Variants in GTF2F2 observed in about 807,000 individuals in gnomAD.
GTF2F2 encodes the protein ATP-dependent helicase GTF2F2.
In GTF2F2, 23 loss-of-function variants were observed where a neutral mutation model predicts 42.2. The ratio of observed to expected loss-of-function variants is 0.55; its 90% CI spans 0.39 to 0.77. GTF2F2 has a LOEUF of 0.77. Ranked by LOEUF, GTF2F2 falls within the 30% of genes least tolerant of loss-of-function variation. GTF2F2 has a pLI of 0.00. For missense variants in GTF2F2, 261 were observed against 287.2 expected (o/e 0.91, Z 0.66); for synonymous variants, 105 against 100.8 (o/e 1.04, Z -0.25).
intron 5 of GTF2F2, among the ~76,000 whole-genome samples, chr13:45,213,372 C>T (rs1873772779): frequency 6.6e-6 from 1 of 152,164 alleles, no homozygotes; most frequent in Non-Finnish European, 1.5e-5. Flanking sequence ...AGCCACGAGG[C>T]CCCAGCTTCT....
chr13:45,214,631 A>G (rs1400168591), intron 5 of GTF2F2, among the ~76,000 whole-genome samples: 1 of 152,146 alleles, frequency 6.6e-6, no homozygotes, highest in Non-Finnish European at 1.5e-5. Flanking sequence ...TTAGGAGAAA[A>G]ATTACTTTGA....
chr13:45,243,451 G>A (rs1439578697), intron 5 of GTF2F2, among the ~76,000 whole-genome samples: 1 of 152,154 alleles, frequency 6.6e-6, no homozygotes, highest in Non-Finnish European at 1.5e-5. Flanking sequence ...GATGATCTGG[G>A]ATGGAACAGT....
At chr13:45,140,338 T>G (rs1002603140) in intron 2 of GTF2F2, among the ~76,000 whole-genome samples, 2 of 152,218 alleles carry the variant, frequency 1.3e-5, no homozygotes, top group Non-Finnish European at 2.9e-5. Context: ...AATATCTCGT[T>G]TTCTCAAGGA....
chr13:45,220,937 ATGTGTGTGTGTGTGTGTGTGTGTGTG>A (rs145850282), intron 5 of GTF2F2: 1 of 144,320 alleles, frequency 6.9e-6, no homozygotes. Flanking sequence ...CTTAAAATGT[ATGTGTGTGTGTGTGTGTGTGTGTGTG>A]TGTGTCTGTG....
At chr13:45,174,178 C>T (rs1000722807) in intron 4 of GTF2F2, among the ~76,000 whole-genome samples, 2 of 152,086 alleles carry the variant, frequency 1.3e-5, no homozygotes, top group African/African-American at 4.8e-5. Context: ...GTGTATAGAT[C>T]TTTGTGTGAG....
chr13:45,238,040 G>T (rs1444195236), intron 5 of GTF2F2, among the ~76,000 whole-genome samples: 1 of 152,166 alleles, frequency 6.6e-6, no homozygotes, highest in Non-Finnish European at 1.5e-5. Context: ...CGCAACCTCT[G>T]CTTCCCAGGT....
At chr13:45,152,160 C>G (rs1314825499) in intron 4 of GTF2F2, among the ~76,000 whole-genome samples, 5 of 152,118 alleles carry the variant, frequency 3.3e-5, no homozygotes, top group African/African-American at 1.2e-4. Context: ...GGTGATCTGC[C>G]CACCTTGGCC....
At chr13:45,160,963 T>C (rs983086200) in intron 4 of GTF2F2, among the ~76,000 whole-genome samples, 5 of 152,204 alleles carry the variant, frequency 3.3e-5, no homozygotes, top group Non-Finnish European at 2.9e-5. Context: ...AATCATCTTA[T>C]GTTAGTGTCC....
At chr13:45,235,608 G>A (rs937333337) in intron 5 of GTF2F2, among the ~76,000 whole-genome samples, 1 of 148,266 alleles carries the variant, frequency 6.7e-6, no homozygotes, top group Non-Finnish European at 1.5e-5. Context: ...TTTTTTTCCT[G>A]AGATAGAGTC....
At chr13:45,281,791 C>T (rs893630479) in intron 7 of GTF2F2, among the ~76,000 whole-genome samples, 1 of 152,238 alleles carries the variant, frequency 6.6e-6, no homozygotes, top group African/African-American at 2.4e-5. Flanking sequence ...AAAATTACAT[C>T]TTCCATCAAT....
At chr13:45,261,192 C>T (rs547328130) in intron 6 of GTF2F2, among the ~76,000 whole-genome samples, 6 of 152,104 alleles carry the variant, frequency 3.9e-5, no homozygotes, top group South Asian at 4.1e-4. Context: ...TTTGGGAAGC[C>T]GCAGTGGGCG....
At chr13:45,269,332 T>G (rs547649758) in intron 7 of GTF2F2, among the ~76,000 whole-genome samples, 1 of 152,176 alleles carries the variant, frequency 6.6e-6, no homozygotes, top group East Asian at 1.9e-4. Flanking sequence ...CTCACGTCAT[T>G]TATAGTGAGG....
intron 5 of GTF2F2, among the ~76,000 whole-genome samples, chr13:45,230,052 C>T (rs1874594197): frequency 6.6e-6 from 1 of 151,890 alleles, no homozygotes; most frequent in African/African-American, 2.4e-5. Context: ...CTTATCTCTA[C>T]TAAAAATAGA....
intron 5 of GTF2F2, among the ~76,000 whole-genome samples, chr13:45,218,013 A>T (rs1228167342): frequency 6.6e-6 from 1 of 152,246 alleles, no homozygotes; most frequent in Non-Finnish European, 1.5e-5. Context: ...AAAAGCCATT[A>T]GATTACCTGT....
intron 5 of GTF2F2, among the ~76,000 whole-genome samples, chr13:45,215,786 T>C (rs1262831607): frequency 6.6e-6 from 1 of 151,440 alleles, no homozygotes; most frequent in African/African-American, 2.4e-5. Context: ...TAAAACTGTT[T>C]GTTTTAAGAA....
intron 4 of GTF2F2, among the ~76,000 whole-genome samples, chr13:45,165,518 T>C (rs1333521436): frequency 6.6e-6 from 1 of 151,488 alleles, no homozygotes. Flanking sequence ...GATTTACTTG[T>C]AGGATTTTTC....
In GTF2F2 at chr13:45,275,795, T is replaced by G. The variant is rs892140720; in HGVS notation, c.631-7647T>G. On this transcript the variant is annotated intron_variant, in intron 7 of 7. Transcript: ENST00000340473. Reference sequence around the variant, plus strand: ...CATGTGTCTTTATAACAGCATGATTTATAATCCTTTGGGTATATACCCAGT... The same window carrying G: ...CATGTGTCTTTATAACAGCATGATTGATAATCCTTTGGGTATATACCCAGT... Among the ~76,000 whole-genome samples, 5 of 152,204 alleles carry G rather than the reference T, an allele frequency of 3.3e-5. 1 individual carries two copies. The highest frequency in any genetic ancestry group is 5.9e-5 in the Non-Finnish European group (4 of 68,034).
At chr13:45,229,398 C>T (rs948098166) in intron 5 of GTF2F2, among the ~76,000 whole-genome samples, 7 of 152,228 alleles carry the variant, frequency 4.6e-5, no homozygotes, top group Admixed American at 1.3e-4. Context: ...GCAGCTGCCC[C>T]CTCTTCCCAT....
chr13:45,134,329 G>A (rs1183158414), intron 1 of GTF2F2, among the ~76,000 whole-genome samples: 1 of 152,142 alleles, frequency 6.6e-6, no homozygotes, highest in Non-Finnish European at 1.5e-5. Flanking sequence ...ATTTTCGCTA[G>A]GGACTTCTGG....
Sources: allele counts gnomAD v4.1 joint callset (sites outside exome capture counted in the v4.1 genomes callset), GRCh38; gene constraint gnomAD v4.1.1; transcripts MANE v1.5; gene names NCBI Gene and HGNC (gene_info 2026-07-23, HGNC 2026-07-21).